SYNE1: variants seen among roughly 807,000 people sequenced by gnomAD.
SYNE1 encodes nesprin-1.
A neutral mutation model predicts 1,111.0 loss-of-function variants in SYNE1; 616 were observed. That is an observed-to-expected ratio of 0.55 (90% CI 0.52 to 0.59). The LOEUF is 0.59. SYNE1 is among the 20% of genes least tolerant of loss of function. The pLI, the probability that SYNE1 is intolerant of heterozygous loss-of-function variation, is 0.00. For synonymous variants in SYNE1, 3,855 were observed against 3,825.8 expected (o/e 1.01, Z -0.28); for missense variants, 10,006 against 10,417.0 (o/e 0.96, Z 1.72).
intron 127 of SYNE1, among the ~76,000 whole-genome samples, chr6:152,190,249 T>G (rs2071840334): frequency 6.6e-6 from 1 of 152,158 alleles, no homozygotes; most frequent in African/African-American, 2.4e-5. Context: ...TTGCAGAAAC[T>G]CAATCACATC....
At chr6:152,584,571 T>C (rs1209783035) in intron 3 of SYNE1, among the ~76,000 whole-genome samples, 1 of 152,074 alleles carries the variant, frequency 6.6e-6, no homozygotes, top group Admixed American at 6.6e-5. Flanking sequence ...CCCAACTAAT[T>C]TTTTTGATTT....
Position 152,256,754 on chromosome 6 carries a change from C to A in SYNE1, c.18984G>T (p.Arg6328Ser). The A allele has an allele frequency of 6.2e-7, 1 of 1,613,648 alleles. No individual in the cohort carries two copies. The highest frequency in any genetic ancestry group is 2.2e-5 in the East Asian group (1 of 44,856). ...EQEQEQVLYSRPNRLLSGVPL... is the reference protein window; with the variant it reads ...EQEQEQVLYSSPNRLLSGVPL... ...GCACACCAGACAAGAGTCGATTTGGCCTGCTATAAAGCTGTAGGCAAACAA... is the reference window on the plus strand; with the variant it reads ...GCACACCAGACAAGAGTCGATTTGGACTGCTATAAAGCTGTAGGCAAACAA... The change falls in exon 102 of 146, where the codon AGG (arginine) becomes AGT (serine). Residue 6328 changes from arginine to serine, a missense_variant. Coordinates refer to ENST00000367255, the MANE Select transcript of SYNE1 (RefSeq NM_182961.4).
rs1438857220 is a variant in SYNE1, at chr6:152,387,283, G to A, written c.8276C>T (p.Pro2759Leu). The A allele has an allele frequency of 1.2e-6, 2 of 1,614,122 alleles. No homozygotes were observed. The highest frequency in any genetic ancestry group is 4.5e-5 in the East Asian group (2 of 44,876). ...TTTCAGACCTGGCTGTGGTTGTAAG[G>A]GATGTTCTATTTTTTGATCCACTGA... ...MESVDQKIEH[P>L]LQPQPGLKEK... The change falls in exon 54 of 146, where the codon CCC becomes CTC. Residue 2759 changes from proline to leucine, a missense_variant. By Grantham distance (98) the Pro-to-Leu change is moderately conservative (BLOSUM62 -3). Transcript: ENST00000367255.
chr6:152,278,310 A>G (rs1158114558), intron 97 of SYNE1, 30 bp from the exon 98 acceptor site: 2 of 1,611,528 alleles, frequency 1.2e-6, no homozygotes, highest in East Asian at 4.5e-5. Context: ...AATGAAACTC[A>G]CACATCTCCC....
At chr6:152,528,899 A>C (rs2099180654) in intron 4 of SYNE1, among the ~76,000 whole-genome samples, 1 of 152,216 alleles carries the variant, frequency 6.6e-6, no homozygotes, top group Admixed American at 6.5e-5. Context: ...AGGAAAAATT[A>C]ATGTTAATAC....
chr6:152,521,832 T>A (rs1288212790), intron 5 of SYNE1, among the ~76,000 whole-genome samples: 1 of 152,196 alleles, frequency 6.6e-6, no homozygotes, highest in African/African-American at 2.4e-5. Context: ...AGGTTTTTAA[T>A]TTTTAAGATA....
At chr6:152,398,100 C>T (rs774348765) in intron 49 of SYNE1, among the ~76,000 whole-genome samples, 2 of 152,102 alleles carry the variant, frequency 1.3e-5, no homozygotes, top group Non-Finnish European at 2.9e-5. Flanking sequence ...CTAACTTGAG[C>T]CTATTCTTCT....
At chr6:152,449,720 C>G in intron 27 of SYNE1, 79 bp from the exon 28 acceptor site, 1 of 1,134,982 alleles carries the variant, frequency 8.8e-7, no homozygotes, top group Non-Finnish European at 1.3e-6. Flanking sequence ...TTTGAATTCA[C>G]TCATGGAAAT....
At chr6:152,546,083 C>T (rs1467740737) in intron 3 of SYNE1, 3 of 152,110 alleles carry the variant, frequency 2.0e-5, no homozygotes, top group Admixed American at 6.6e-5. Context: ...AATTACCAAA[C>T]ACAGTCAAAT....
At position 152,344,106 on chromosome 6, in the gene SYNE1, A is replaced by T; in HGVS notation, c.12200T>A (p.Leu4067His). Residue 4067 changes from leucine to histidine, a missense_variant, in exon 74 of 146, where the codon CTT (leucine) becomes CAT (histidine). Physicochemically the swap from Leu to His is moderately conservative, Grantham distance 99. This residue lies in a region of SYNE1 where 4,955 missense variants were observed against 5,017.2 expected (regional missense o/e 0.99). Coordinates refer to ENST00000367255, the MANE Select transcript of SYNE1 (RefSeq NM_182961.4). ...CTGCTTAATGGCTTCTGCCCTACTA[A>T]GAGGTGGTTGAGGACTTGGCTCTAA... ...PDLEPSPQPP[L>H]SRAEAIKQVK... is the part of the protein sequence containing the mutation. 1 of 1,614,190 alleles carries T rather than the reference A, an allele frequency of 6.2e-7. No homozygotes were observed. The highest frequency in any genetic ancestry group is 8.5e-7 in the Non-Finnish European group (1 of 1,180,030).
In SYNE1 at chr6:152,520,403, A is replaced by G. The variant is rs534355046; in HGVS notation, c.309+56T>C. On this transcript the variant is annotated intron_variant, in intron 6 of 145. Transcript: ENST00000367255. ...CTACAGATAGGAGCCAATACTGAAA[A>G]CATAAGTATGCCCACACCTTCTTCC... 1.3e-4 allele frequency: 212 copies of G among 1,573,726 alleles called. No individual in the cohort carries two copies. The South Asian group carries it at 2.3e-3, about 17-fold the overall frequency.
At chr6:152,497,141 G>A (rs1295398212) in intron 11 of SYNE1, among the ~76,000 whole-genome samples, 1 of 152,116 alleles carries the variant, frequency 6.6e-6, no homozygotes, top group Admixed American at 6.6e-5. Context: ...AGCCTGTTTG[G>A]TGGGCTCTTC....
chr6:152,596,694 G>A (rs2099582906), intron 3 of SYNE1, among the ~76,000 whole-genome samples: 1 of 152,160 alleles, frequency 6.6e-6, no homozygotes, highest in Non-Finnish European at 1.5e-5. Context: ...GAAAAGGTAT[G>A]GGAAGCATGA....
intron 51 of SYNE1, among the ~76,000 whole-genome samples, chr6:152,393,973 C>T (rs2097690016): frequency 6.6e-6 from 1 of 152,166 alleles, no homozygotes; most frequent in Non-Finnish European, 1.5e-5. Context: ...CTATCCTTCC[C>T]CTAAGCCCCC....
Position 152,255,069 on chromosome 6 carries a change from C to A in SYNE1, c.19281G>T (p.Lys6427Asn). The A allele has an allele frequency of 6.2e-7, 1 of 1,601,154 alleles. No homozygotes were observed. Residue 6427 changes from lysine to asparagine, a missense_variant, in exon 104 of 146, where the codon AAG becomes AAT. This residue lies in a region of SYNE1 where 2,182 missense variants were observed against 2,287.8 expected (regional missense o/e 0.95). Coordinates refer to ENST00000367255, the MANE Select transcript of SYNE1 (RefSeq NM_182961.4). ...FNQEILAKDI[K>N]EMSEEMDKNK... The stretch of plus-strand genomic sequence containing the variant: ...TCTTATCCATTTCTTCAGACATTTC[C>A]TTAATGTCTTTGGCAAGAATCTAGA...
intron 72 of SYNE1, among the ~76,000 whole-genome samples, chr6:152,349,507 G>C: frequency 6.6e-6 from 1 of 152,324 alleles, no homozygotes; most frequent in South Asian, 2.1e-4. Flanking sequence ...GATGCCTTTG[G>C]CTGCATTTTC....
At position 152,453,601 on chromosome 6, in the gene SYNE1, G is replaced by A. The variant is rs1181123991; in HGVS notation, c.3012C>T (p.Leu1004=). The change falls in exon 25 of 146, where the codon CTC becomes CTT. Residue 1004 remains leucine, a synonymous_variant. Coordinates refer to ENST00000367255, the MANE Select transcript of SYNE1 (RefSeq NM_182961.4). ...QQGLQEAVRK[L]HKQWKDLQGE... Reference sequence around the variant, plus strand: ...CCTGACTCACCTTCCATTGTTTGTGGAGCTTTCGAACAGCTTCCTGCAGCC... The same window carrying A: ...CCTGACTCACCTTCCATTGTTTGTGAAGCTTTCGAACAGCTTCCTGCAGCC... The A allele has an allele frequency of 1.9e-6, 3 of 1,614,070 alleles. No homozygotes were observed. Among genetic ancestry groups the A allele is most frequent in the African/African-American group, 2.7e-5 (2 of 74,920 alleles).
chr6:152,306,569 A>T (rs940145686), intron 91 of SYNE1, among the ~76,000 whole-genome samples: 41 of 151,600 alleles, frequency 2.7e-4, no homozygotes, highest in African/African-American at 9.7e-4. Context: ...AAAATTTTGT[A>T]AGTTACTTTA....
chr6:152,124,043 G>C (rs2052435117), intron 145 of SYNE1, among the ~76,000 whole-genome samples: 1 of 152,210 alleles, frequency 6.6e-6, no homozygotes, highest in Admixed American at 6.5e-5. Context: ...ATGGGAGAGG[G>C]CTGGGCACAG....
Sources: allele counts gnomAD v4.1 joint callset (sites outside exome capture counted in the v4.1 genomes callset), GRCh38; gene constraint gnomAD v4.1.1; regional missense constraint gnomAD v4.1.1; transcripts MANE v1.5; gene names NCBI Gene and HGNC (gene_info 2026-07-23, HGNC 2026-07-21).